Variants in DNAAF4 observed in about 807,000 individuals in gnomAD.
The protein encoded by DNAAF4 is dynein axonemal assembly factor 4.
A neutral mutation model predicts 51.8 loss-of-function variants in DNAAF4; 43 were observed. That is an observed-to-expected ratio of 0.83 (90% CI 0.65 to 1.07). The LOEUF (loss-of-function observed/expected upper bound fraction) is 1.07, where lower values mean the gene tolerates loss of function less well. Ranked by LOEUF, DNAAF4 falls within the 50% of genes least tolerant of loss-of-function variation. DNAAF4 has a pLI of 0.00. For synonymous variants in DNAAF4, 194 were observed against 165.6 expected (o/e 1.17, Z -1.32); for missense variants, 581 against 493.0 (o/e 1.18, Z -1.69).
intron 1 of DNAAF4, among the ~76,000 whole-genome samples, chr15:55,504,300 T>A (rs1248566874): frequency 6.6e-6 from 1 of 152,224 alleles, no homozygotes; most frequent in African/African-American, 2.4e-5. Context: ...GACCATTCCA[T>A]GCTCATGGAT....
intron 1 of DNAAF4, among the ~76,000 whole-genome samples, chr15:55,504,648 C>G (rs2058717054): frequency 6.6e-6 from 1 of 152,082 alleles, no homozygotes; most frequent in Non-Finnish European, 1.5e-5. Flanking sequence ...CTTTCACAAA[C>G]CTGATAAAAA....
chr15:55,472,317 C>T (rs691514), intron 4 of DNAAF4, among the ~76,000 whole-genome samples: 149,676 of 152,302 alleles, frequency 0.98, 73,595 homozygotes, highest in East Asian at 1. Flanking sequence ...TAATAATCAT[C>T]GTACATAAAG....
At chr15:55,427,454 T>C (rs899516388), downstream of DNAAF4, among the ~76,000 whole-genome samples, 5 of 151,976 alleles carry the variant, frequency 3.3e-5, no homozygotes, top group East Asian at 1.9e-4. Flanking sequence ...AAATTAAAGA[T>C]TGGAGCTGTT....
intron 7 of DNAAF4, among the ~76,000 whole-genome samples, chr15:55,436,379 ATTTT>A (rs1291545654): frequency 6.6e-6 from 1 of 151,760 alleles, no homozygotes; most frequent in Non-Finnish European, 1.5e-5. Context: ...CATTATTATT[ATTTT>A]TTTAATTATT....
chr15:55,485,554 C>T (rs1195006063), intron 4 of DNAAF4, among the ~76,000 whole-genome samples: 1 of 152,044 alleles, frequency 6.6e-6, no homozygotes, highest in Non-Finnish European at 1.5e-5. Context: ...CAGAAAAATG[C>T]ACTTCAAATT....
chr15:55,502,440 T>G (rs1215052674), intron 1 of DNAAF4, among the ~76,000 whole-genome samples: 1 of 152,242 alleles, frequency 6.6e-6, no homozygotes, highest in Non-Finnish European at 1.5e-5. Flanking sequence ...TCATTCTCTA[T>G]CAAACCTAGC....
chr15:55,498,182 C>T (rs776291790), intron 2 of DNAAF4, 25 bp downstream of exon 2: 9 of 1,613,896 alleles, frequency 5.6e-6, no homozygotes, highest in South Asian at 5.5e-5. Context: ...CCCCGGAGAC[C>T]GGCAGGCAAG....
At position 55,498,581 on chromosome 15, in the gene DNAAF4, C is replaced by T. The variant is rs1419793259; in HGVS notation, c.-252G>A. On this transcript the variant is annotated 5_prime_UTR_variant, in exon 2 of 10. Transcript: ENST00000321149. ...GAATGTTCAAAGAAGTAGACCCATA[C>T]CCTCTGCTTGAGAAAAAAAAAAAAA... 2 of 249,552 alleles carry T rather than the reference C, an allele frequency of 8.0e-6. No individual in the cohort carries two copies. The highest frequency in any genetic ancestry group is 7.6e-5 in the African/African-American group (2 of 26,330). The allele number at this position is 249,552 out of a possible 1,614,324, so 15.5% of individuals were successfully genotyped here. A position where few individuals can be genotyped will look rare whatever the true frequency, so the allele number is the denominator to read the frequency against.
chr15:55,458,023 G>A (rs1316454632), intron 5 of DNAAF4, among the ~76,000 whole-genome samples: 5 of 152,208 alleles, frequency 3.3e-5, no homozygotes, highest in Non-Finnish European at 5.9e-5. Context: ...CCATGGGACA[G>A]AAGAATCTGA....
At chr15:55,482,503 C>A (rs868124444) in intron 4 of DNAAF4, among the ~76,000 whole-genome samples, 1 of 151,972 alleles carries the variant, frequency 6.6e-6, no homozygotes, top group Admixed American at 6.6e-5. Context: ...ATGGCAAAAC[C>A]CCCTCTCTAC....
chr15:55,426,107 A>AATTGAAGCTGTCCTCTTACAC (rs144420421), downstream of DNAAF4, among the ~76,000 whole-genome samples: 7,678 of 152,108 alleles, frequency 0.05, 670 homozygotes, highest in African/African-American at 0.18. Flanking sequence ...AATCAATAGG[A>AATTGAAGCTGTCCTCTTACAC]ATTGAAGCTG....
intron 4 of DNAAF4, among the ~76,000 whole-genome samples, chr15:55,480,975 G>A (rs2058401439): frequency 6.6e-6 from 1 of 152,136 alleles, no homozygotes; most frequent in Non-Finnish European, 1.5e-5. Flanking sequence ...TAATGAGTGA[G>A]TCTCACAAGA....
At chr15:55,500,211 A>C (rs554775654) in intron 1 of DNAAF4, among the ~76,000 whole-genome samples, 34 of 152,200 alleles carry the variant, frequency 2.2e-4, no homozygotes, top group Non-Finnish European at 4.1e-4. Flanking sequence ...ACAGACTTGA[A>C]GAGAAAACCA....
chr15:55,506,903 T>C (rs2058730033), intron 1 of DNAAF4, among the ~76,000 whole-genome samples: 1 of 152,076 alleles, frequency 6.6e-6, no homozygotes, highest in Admixed American at 6.6e-5. Context: ...CAGGCTGGAG[T>C]GCAATGGGGC....
At position 55,434,123 on chromosome 15, in the gene DNAAF4, A is replaced by G. The variant is rs1471744185; in HGVS notation, c.1047+782T>C. Among the ~76,000 whole-genome samples, 8 of 139,472 alleles carry G rather than the reference A, an allele frequency of 5.7e-5. No homozygotes were observed. In the Admixed American group the frequency reaches 6.8e-4, roughly 12 times the overall value. 91.5% of individuals were successfully genotyped at this position (139,472 alleles called of 152,430 possible). On this transcript the variant is annotated intron_variant, in intron 8 of 9. Transcript: ENST00000321149. ...CTTAAGGAATTTTTCAGTTGTTCCT[A>G]TATGGGATTCATACCCCTCCAAGGT...
At chr15:55,418,343 A>T (rs2057355850) in intron 7 of DNAAF4, 1 of 1,541,072 alleles carries the variant, frequency 6.5e-7, no homozygotes, top group African/African-American at 1.4e-5. Context: ...GACACTCCAG[A>T]CAGCCACCTC....
At chr15:55,462,319 A>G (rs1230478510) in intron 5 of DNAAF4, among the ~76,000 whole-genome samples, 1 of 151,974 alleles carries the variant, frequency 6.6e-6, no homozygotes, top group Non-Finnish European at 1.5e-5. Context: ...CAGCTTCCCG[A>G]GTAGATGGGA....
rs1170614339 is a variant in DNAAF4 at position 55,498,335 on chromosome 15, T to C, written c.-6A>G. On this transcript the variant is annotated 5_prime_UTR_variant, in exon 2 of 10. Coordinates refer to ENST00000321149, the MANE Select transcript of DNAAF4 (RefSeq NM_130810.4). Reference sequence around the variant, plus strand: ...TCGCTAACCTGAAGAGGCATTCCGGTAGCAACGGGAGCGGATAGCGCGGCT... The same window carrying C: ...TCGCTAACCTGAAGAGGCATTCCGGCAGCAACGGGAGCGGATAGCGCGGCT... 1 of 1,598,458 alleles carries C rather than the reference T, an allele frequency of 6.3e-7. No individual in the cohort carries two copies. The highest frequency in any genetic ancestry group is 8.5e-7 in the Non-Finnish European group (1 of 1,171,022).
At chr15:55,504,442 A>G (rs150670871) in intron 1 of DNAAF4, among the ~76,000 whole-genome samples, 2,049 of 152,348 alleles carry the variant, frequency 0.013, 52 homozygotes, top group African/African-American at 0.048. Flanking sequence ...ATATGGAACC[A>G]AAAAAGAACC....
Sources: allele counts gnomAD v4.1 joint callset (sites outside exome capture counted in the v4.1 genomes callset), GRCh38; gene constraint gnomAD v4.1.1; transcripts MANE v1.5; gene names NCBI Gene and HGNC (gene_info 2026-07-23, HGNC 2026-07-21).